The following FAT3 variants were observed in gnomAD, a reference collection of about 807,000 sequenced individuals.
The protein encoded by FAT3 is FAT atypical cadherin 3, also known as protocadherin Fat 3.
A neutral mutation model predicts 310.2 loss-of-function variants in FAT3; 95 were observed. The observed-to-expected ratio is 0.31, with a 90% confidence interval of 0.26 to 0.36. The LOEUF is 0.36. Ranked by LOEUF, FAT3 falls within the 10% of genes least tolerant of loss-of-function variation. FAT3 has a pLI of 1.00. For missense variants in FAT3, 5,408 were observed against 5,715.6 expected (o/e 0.95, Z 1.74); for synonymous variants, 2,314 against 2,192.9 (o/e 1.06, Z -1.54).
chr11:92,425,269 C>T (rs969816089), intron 2 of FAT3, among the ~76,000 whole-genome samples: 1 of 151,976 alleles, frequency 6.6e-6, no homozygotes, highest in African/African-American at 2.4e-5. Flanking sequence ...TCAATGGGCC[C>T]TACATGCTTT....
intron 4 of FAT3, among the ~76,000 whole-genome samples, chr11:92,721,479 T>C (rs1944856866): frequency 6.6e-6 from 1 of 152,196 alleles, no homozygotes; most frequent in Non-Finnish European, 1.5e-5. Flanking sequence ...AATGAAATAA[T>C]GGATTAATTT....
At chr11:92,435,921 T>C (rs1320387195) in intron 2 of FAT3, among the ~76,000 whole-genome samples, 1 of 152,034 alleles carries the variant, frequency 6.6e-6, no homozygotes, top group Non-Finnish European at 1.5e-5. Context: ...GTGCTGGAGA[T>C]ATTAAGTTAA....
chr11:92,636,731 C>G (rs768984124), intron 3 of FAT3, among the ~76,000 whole-genome samples: 43 of 152,116 alleles, frequency 2.8e-4, no homozygotes, highest in Non-Finnish European at 5.3e-4. Flanking sequence ...AGAACTCTCT[C>G]TTTTGTTTAG....
chr11:92,853,382 C>T (rs1948884091), intron 19 of FAT3, among the ~76,000 whole-genome samples: 1 of 152,224 alleles, frequency 6.6e-6, no homozygotes, highest in South Asian at 2.1e-4. Flanking sequence ...ATACCAGGAA[C>T]CACAGAACCT....
In FAT3 at chr11:92,844,239, T is replaced by C; in HGVS notation, c.10872T>C (p.Asp3624=). 6.2e-7 allele frequency: 1 copy of C among 1,614,020 alleles called. No individual in the cohort carries two copies. Among genetic ancestry groups the C allele is most frequent in the South Asian group, 1.1e-5 (1 of 91,082 alleles). Residue 3624 remains aspartate, a synonymous_variant, in exon 19 of 28, where the codon GAT becomes GAC. Coordinates refer to ENST00000525166, the MANE Select transcript of FAT3 (RefSeq NM_001367949.2). ...GKYVLNVSVS[D]GRFQVPIDVV... is the part of the protein sequence containing the mutation. ...ATGTCCTGAATGTGTCTGTGAGTGA[T>C]GGTCGCTTCCAGGTACCCATTGATG...
At chr11:92,778,583 T>G (rs1946653485) in intron 7 of FAT3, among the ~76,000 whole-genome samples, 2 of 152,208 alleles carry the variant, frequency 1.3e-5, no homozygotes. Flanking sequence ...GCCCATGAAC[T>G]TGTTAATAAA....
chr11:92,491,589 A>G (rs1952597633), intron 2 of FAT3, among the ~76,000 whole-genome samples: 1 of 152,100 alleles, frequency 6.6e-6, no homozygotes, highest in South Asian at 2.1e-4. Context: ...ATAGTGCTGT[A>G]TATGTAGGAA....
At chr11:92,483,195 A>T (rs1555060197) in intron 2 of FAT3, among the ~76,000 whole-genome samples, 1 of 152,196 alleles carries the variant, frequency 6.6e-6, no homozygotes, top group Non-Finnish European at 1.5e-5. Flanking sequence ...GTATTTGCAC[A>T]GGCCCTGGGC....
chr11:92,601,833 C>T (rs968151758), intron 3 of FAT3, among the ~76,000 whole-genome samples: 1 of 152,058 alleles, frequency 6.6e-6, no homozygotes, highest in African/African-American at 2.4e-5. Context: ...GCTTGATTCC[C>T]TCTGAAAGTT....
At chr11:92,398,856 A>G (rs933045379) in intron 2 of FAT3, among the ~76,000 whole-genome samples, 5 of 152,204 alleles carry the variant, frequency 3.3e-5, no homozygotes, top group African/African-American at 1.2e-4. Flanking sequence ...TGTTTGGGAC[A>G]GTGTTCTGAG....
intron 15 of FAT3, 87 bp downstream of exon 15, chr11:92,835,171 G>A: frequency 8.5e-7 from 1 of 1,171,588 alleles, no homozygotes; most frequent in Non-Finnish European, 1.2e-6. Flanking sequence ...TCCGTCTTGG[G>A]TTTTCTTCAC....
chr11:92,880,373 C>T (rs1949645430), intron 22 of FAT3, among the ~76,000 whole-genome samples: 1 of 150,274 alleles, frequency 6.7e-6, no homozygotes, highest in South Asian at 2.2e-4. Context: ...AATAGTAAAC[C>T]ACTCCTGTCT....
intron 2 of FAT3, among the ~76,000 whole-genome samples, chr11:92,458,944 G>A (rs1315775257): frequency 1.3e-5 from 2 of 152,160 alleles, no homozygotes; most frequent in African/African-American, 4.8e-5. Flanking sequence ...CTTGATAACT[G>A]TTTGGTAAAT....
At chr11:92,671,515 T>C (rs1375304919) in intron 3 of FAT3, among the ~76,000 whole-genome samples, 1 of 152,020 alleles carries the variant, frequency 6.6e-6, no homozygotes, top group Non-Finnish European at 1.5e-5. Context: ...AATTGTGTCC[T>C]TCTCCCAGGA....
At chr11:92,589,060 C>G (rs955467085) in intron 3 of FAT3, among the ~76,000 whole-genome samples, 15 of 152,118 alleles carry the variant, frequency 9.9e-5, no homozygotes, top group African/African-American at 3.1e-4. Context: ...ACAATGATTT[C>G]TTTATGGTGA....
At chr11:92,462,415 A>C (rs944377817) in intron 2 of FAT3, among the ~76,000 whole-genome samples, 1 of 152,128 alleles carries the variant, frequency 6.6e-6, no homozygotes, top group Non-Finnish European at 1.5e-5. Flanking sequence ...AAGTGAGAAC[A>C]TGTGGTATTT....
chr11:92,445,486 G>C (rs1241308796), intron 2 of FAT3, among the ~76,000 whole-genome samples: 4 of 152,160 alleles, frequency 2.6e-5, no homozygotes, highest in Middle Eastern at 3.4e-3. Flanking sequence ...TCCATCCACT[G>C]TCTGGCTTGT....
intron 6 of FAT3, among the ~76,000 whole-genome samples, chr11:92,765,681 A>G (rs1946287973): frequency 6.6e-6 from 1 of 152,076 alleles, no homozygotes; most frequent in South Asian, 2.1e-4. Flanking sequence ...TGCCTGTGAC[A>G]GGCTGAAGTG....
intron 3 of FAT3, among the ~76,000 whole-genome samples, chr11:92,613,562 TAACCCACC>T (rs1940667570): frequency 6.6e-6 from 1 of 152,186 alleles, no homozygotes; most frequent in South Asian, 2.1e-4. Flanking sequence ...GCATATTTAA[TAACCCACC>T]AACTCTCTTC....
Sources: allele counts gnomAD v4.1 joint callset (sites outside exome capture counted in the v4.1 genomes callset), GRCh38; gene constraint gnomAD v4.1.1; transcripts MANE v1.5; gene names NCBI Gene and HGNC (gene_info 2026-07-23, HGNC 2026-07-21).